Variants in EPN2 observed in about 807,000 individuals in gnomAD.
EPN2 encodes the protein epsin 2, also known as epsin-2.
In EPN2, 34 loss-of-function variants were observed where a neutral mutation model predicts 61.7. The ratio of observed to expected loss-of-function variants is 0.55; its 90% CI spans 0.42 to 0.73. The LOEUF is 0.73. Ranked by LOEUF, EPN2 falls within the 30% of genes least tolerant of loss-of-function variation. The pLI is 0.00. For synonymous variants in EPN2, 349 were observed against 353.6 expected, an observed-to-expected ratio of 0.99 and a Z score of 0.15; for missense variants, 714 against 839.2, an observed-to-expected ratio of 0.85 and a Z score of 1.84.
intron 8 of EPN2, chr17:19,329,105 A>C: frequency 6.1e-6 from 3 of 492,626 alleles, no homozygotes; most frequent in East Asian, 3.4e-5. Context: ...CTCCCTCCAA[A>C]TTGAGGGGGC....
chr17:19,300,050 T>C (rs1296611495), intron 4 of EPN2, among the ~76,000 whole-genome samples: 1 of 152,230 alleles, frequency 6.6e-6, no homozygotes, highest in Non-Finnish European at 1.5e-5. Context: ...GATTAGAACA[T>C]GCAGCTACAG....
Position 19,334,266 on chromosome 17 carries a change from G to T in EPN2, c.*12G>T. On this transcript the variant is annotated 3_prime_UTR_variant, in exon 11 of 11. Coordinates refer to ENST00000314728, the MANE Select transcript of EPN2 (RefSeq NM_014964.5). This position sits in a 1 kb window ranked among gnomAD's most constrained non-coding sequence, Gnocchi z 4.9. ...CTTTCCTTCTCTAGTGCCTGGGCCT[G>T]GGACCCACCCAGAGCACCTGTGCTG... The T allele has an allele frequency of 7.0e-7, 1 of 1,435,376 alleles. No homozygotes were observed. The highest frequency in any genetic ancestry group is 1.6e-5 in the South Asian group (1 of 62,762). 88.9% of individuals were successfully genotyped at this position (1,435,376 alleles called of 1,614,324 possible).
In EPN2 at chr17:19,310,421, G is replaced by A. The variant is rs186995631; in HGVS notation, c.879+424G>A. On this transcript the variant is annotated intron_variant, in intron 5 of 10. Coordinates refer to ENST00000314728, the MANE Select transcript of EPN2 (RefSeq NM_014964.5). ...CCAAGCACTTTGACCTGTAGCAAGA[G>A]ATTTGCAAAAAACAAAGGCTGGGAA... Among the ~76,000 whole-genome samples the A allele has an allele frequency of 1.2e-3, 185 of 152,260 alleles. 2 individuals carry two copies. Among genetic ancestry groups the A allele is most frequent in the Admixed American group, 0.011 (175 of 15,296 alleles).
intron 9 of EPN2, 83 bp from the exon 10 acceptor site, chr17:19,331,770 A>G: frequency 8.3e-7 from 1 of 1,202,296 alleles, no homozygotes; most frequent in Non-Finnish European, 1.2e-6. Context: ...GCATGTCCCC[A>G]GGAGGCCATG....
intron 10 of EPN2, 73 bp from the exon 11 acceptor site, chr17:19,333,883 C>T: frequency 7.6e-7 from 1 of 1,321,642 alleles, no homozygotes; most frequent in Non-Finnish European, 1.0e-6. Flanking sequence ...CACCCGCATG[C>T]AGTCCCTGAC....
At chr17:19,329,300 T>C in intron 8 of EPN2, 1 of 467,624 alleles carries the variant, frequency 2.1e-6, no homozygotes, top group South Asian at 4.0e-5. Context: ...CCTTTGCCTT[T>C]TGGGGTGAGG....
At chr17:19,301,081 G>A (rs983636919) in intron 4 of EPN2, among the ~76,000 whole-genome samples, 3 of 152,122 alleles carry the variant, frequency 2.0e-5, no homozygotes, top group African/African-American at 7.2e-5. Context: ...CTCGAGGCAG[G>A]AAGGAGCCTG....
intron 4 of EPN2, among the ~76,000 whole-genome samples, chr17:19,305,586 T>A (rs1567862222): frequency 6.6e-6 from 1 of 152,226 alleles, no homozygotes; most frequent in African/African-American, 2.4e-5. Flanking sequence ...ATTTCCTGTT[T>A]TTCTACCAAC....
chr17:19,292,588 C>T (rs1441438320), intron 4 of EPN2, among the ~76,000 whole-genome samples: 1 of 152,230 alleles, frequency 6.6e-6, no homozygotes, highest in Admixed American at 6.5e-5. Flanking sequence ...GTAACATGAA[C>T]ACACCCTCAG....
chr17:19,313,353 CTCTCACCCACT>C, intron 7 of EPN2, 74 bp downstream of exon 7: 1 of 1,390,728 alleles, frequency 7.2e-7, no homozygotes, highest in Non-Finnish European at 9.6e-7. Flanking sequence ...TTCTTGCTGT[CTCTCACCCACT>C]TGGGTCTGGT....
chr17:19,313,172 C>T lies in EPN2; in HGVS notation c.1040C>T (p.Ala347Val), dbSNP rs545258288. The T allele has an allele frequency of 6.2e-6, 10 of 1,613,618 alleles. No individual in the cohort carries two copies. Among genetic ancestry groups the T allele is most frequent in the Admixed American group, 3.3e-5 (2 of 59,952 alleles). The change falls in exon 7 of 11, where the codon GCG becomes GTG. Residue 347 changes from alanine to valine, a missense_variant. Ala to Val is a moderately conservative substitution (Grantham distance 64). Around this residue, in one of 2 missense-constraint regions of EPN2, gnomAD observed 410 missense variants for 421.8 expected, o/e 0.97. Transcript: ENST00000314728. ...LMDALPSSGP[A>V]AQKAEPWGPS... ...GATGCTCTCCCCAGCTCGGGCCCCG[C>T]GGCCCAGAAAGCAGAGCCCTGGGGC...
rs2045500879 is a variant in EPN2, at chr17:19,294,998, C to T, written c.766+9208C>T. On this transcript the variant is annotated intron_variant, in intron 4 of 10. Coordinates refer to ENST00000314728, the MANE Select transcript of EPN2 (RefSeq NM_014964.5). ...GACTAGAAACAGGAGGGAAGGCATG[C>T]AGATAGATTTGTCTTCCCATGGGAA... Among the ~76,000 whole-genome samples the T allele has an allele frequency of 2.0e-5, 3 of 152,080 alleles. No individual in the cohort carries two copies. In the South Asian group the frequency reaches 6.2e-4, roughly 32 times the overall value.
At chr17:19,270,185 C>T (rs2045239358) in intron 1 of EPN2, among the ~76,000 whole-genome samples, 1 of 152,160 alleles carries the variant, frequency 6.6e-6, no homozygotes, top group Non-Finnish European at 1.5e-5. Flanking sequence ...ATGAAGATGC[C>T]ATCAGTGGAC....
intron 1 of EPN2, among the ~76,000 whole-genome samples, chr17:19,251,441 C>T (rs563870276): frequency 2.0e-5 from 3 of 151,818 alleles, no homozygotes; most frequent in Admixed American, 1.3e-4. Flanking sequence ...TTGCAGACAT[C>T]GCCTGGACCC....
At chr17:19,303,617 G>C (rs556250659) in intron 4 of EPN2, among the ~76,000 whole-genome samples, 35 of 152,324 alleles carry the variant, frequency 2.3e-4, no homozygotes, top group Non-Finnish European at 3.8e-4. Context: ...TCACCTGACA[G>C]GCAGCCCTCC....
At chr17:19,260,238 T>C (rs951237896) in intron 1 of EPN2, among the ~76,000 whole-genome samples, 2 of 152,220 alleles carry the variant, frequency 1.3e-5, no homozygotes, top group African/African-American at 4.8e-5. Flanking sequence ...GACACAGGGC[T>C]GTGCTGGATT....
intron 7 of EPN2, among the ~76,000 whole-genome samples, chr17:19,324,550 C>G (rs1906781475): frequency 6.6e-6 from 1 of 152,164 alleles, no homozygotes; most frequent in Admixed American, 6.5e-5. Flanking sequence ...TCAGGCTGGT[C>G]TCAAGCTCCC....
chr17:19,314,059 G>C (rs913198381), intron 7 of EPN2, among the ~76,000 whole-genome samples: 2 of 152,166 alleles, frequency 1.3e-5, no homozygotes, highest in African/African-American at 2.4e-5. Flanking sequence ...TGGAGTCTCT[G>C]TTTCTCTCAG....
chr17:19,310,002 G>T lies in EPN2; in HGVS notation c.879+5G>T. ...AGCAGAGAAGTGGCTGAGCAGGTCAGTGCCCCAGGCAGGTCTGCACTGCAT... is the reference window on the plus strand; with the variant it reads ...AGCAGAGAAGTGGCTGAGCAGGTCATTGCCCCAGGCAGGTCTGCACTGCAT... On this transcript the variant is annotated splice_donor_5th_base_variant and intron_variant, in intron 5 of 10. Transcript: ENST00000314728. 1 of 1,601,816 alleles carries T rather than the reference G, an allele frequency of 6.2e-7. No individual in the cohort carries two copies. The highest frequency in any genetic ancestry group is 8.5e-7 in the Non-Finnish European group (1 of 1,177,020).
Sources: allele counts gnomAD v4.1 joint callset (sites outside exome capture counted in the v4.1 genomes callset), GRCh38; gene constraint gnomAD v4.1.1; regional missense constraint gnomAD v4.1.1; non-coding constraint Gnocchi (gnomAD v3.1); transcripts MANE v1.5; gene names NCBI Gene and HGNC (gene_info 2026-07-23, HGNC 2026-07-21).